EFCAB6: variants seen among roughly 807,000 people sequenced by gnomAD.
EFCAB6 encodes the protein EF-hand calcium-binding domain-containing protein 6.
EFCAB6 carries 156 observed loss-of-function variants against 169.8 expected under a neutral mutation model. The observed-to-expected ratio is 0.92, with a 90% CI of 0.81 to 1.05. The LOEUF (loss-of-function observed/expected upper bound fraction) is 1.05. Ranked by LOEUF, EFCAB6 falls within the 50% of genes least tolerant of loss-of-function variation. The pLI is 0.00. For synonymous variants in EFCAB6, 698 were observed against 676.4 expected (o/e 1.03, Z -0.50); for missense variants, 1,800 against 1,829.1 (o/e 0.98, Z 0.29).
chr22:43,777,540 G>A (rs1603360099), intron 3 of EFCAB6, among the ~76,000 whole-genome samples: 1 of 152,166 alleles, frequency 6.6e-6, no homozygotes, highest in East Asian at 1.9e-4. Flanking sequence ...AATCTCAGAA[G>A]CAGCTGATTC....
In EFCAB6 at chr22:43,746,267, T is replaced by A. The variant is rs369860820; in HGVS notation, c.507+9499A>T. 2.0e-5 allele frequency among the ~76,000 whole-genome samples: 3 copies of A among 152,272 alleles called. No homozygotes were observed. The South Asian group carries it at 6.2e-4, about 32-fold the overall frequency. On this transcript the variant is annotated intron_variant, in intron 6 of 31. Transcript: ENST00000262726. The stretch of plus-strand genomic sequence containing the variant: ...TTACTGACCATAGGCATACCCTGCC[T>A]TTACCAAAAATCGAAAAAGCTTACT...
Position 43,528,977 on chromosome 22 carries a change from T to C in EFCAB6, c.4384-2A>G. 6.4e-7 allele frequency: 1 copy of C among 1,574,348 alleles called. No homozygotes were observed. The highest frequency in any genetic ancestry group is 8.7e-7 in the Non-Finnish European group (1 of 1,149,266). ...GTTGATGCTGTACTGTCTCAGGACCTGGAAGACAGAGAAAAGGGGCCTCTG... is the reference window on the plus strand; with the variant it reads ...GTTGATGCTGTACTGTCTCAGGACCCGGAAGACAGAGAAAAGGGGCCTCTG... On this transcript the variant is annotated splice_acceptor_variant, in intron 31 of 31. Transcript: ENST00000262726. LOFTEE classifies it high-confidence loss of function.
chr22:43,771,983 C>T (rs908203904), intron 4 of EFCAB6, among the ~76,000 whole-genome samples: 5 of 152,112 alleles, frequency 3.3e-5, no homozygotes, highest in African/African-American at 1.2e-4. Flanking sequence ...CTATAATGAC[C>T]TTTCCTTCCC....
chr22:43,706,199 G>A (rs1603254354), intron 10 of EFCAB6, among the ~76,000 whole-genome samples: 2 of 152,274 alleles, frequency 1.3e-5, no homozygotes, highest in East Asian at 3.9e-4. Flanking sequence ...AGGAACACTG[G>A]CTTCTGCCAG....
intron 17 of EFCAB6, among the ~76,000 whole-genome samples, chr22:43,637,328 G>A (rs2055483531): frequency 6.6e-6 from 1 of 152,262 alleles, no homozygotes; most frequent in Non-Finnish European, 1.5e-5. Context: ...CACACCTTGT[G>A]GCGCAGTCAT....
intron 29 of EFCAB6, chr22:43,535,128 A>T: frequency 2.3e-6 from 1 of 430,084 alleles, no homozygotes; most frequent in Non-Finnish European, 4.1e-6. Context: ...ATGGACAGAG[A>T]CTATGGGAGC....
At chr22:43,782,041 G>T in intron 3 of EFCAB6, 139 bp downstream of exon 3, 1 of 854,280 alleles carries the variant, frequency 1.2e-6, no homozygotes, top group Non-Finnish European at 1.7e-6. Context: ...TAGAAAACAG[G>T]GATAAAAACA....
intron 17 of EFCAB6, among the ~76,000 whole-genome samples, chr22:43,636,325 C>T (rs1056522605): frequency 4.6e-5 from 7 of 152,204 alleles, no homozygotes; most frequent in Middle Eastern, 3.4e-3. Flanking sequence ...GCGGAAGAGG[C>T]GGCTGGGGAG....
rs746270563 is a variant in EFCAB6 at position 43,555,062 on chromosome 22, C to T, written c.3455G>A (p.Gly1152Asp). 1.2e-6 allele frequency: 2 copies of T among 1,614,184 alleles called. No homozygotes were observed. Among genetic ancestry groups the T allele is most frequent in the South Asian group, 2.2e-5 (2 of 91,082 alleles). Reference protein sequence around the residue: ...ADEWAEKMPKGPPPTSPKATA... With the variant: ...ADEWAEKMPKDPPPTSPKATA... ...GGCCTTGGGAGAGGTAGGCGGCGGG[C>T]CTTTGGGCATTTTCTCAGCCCACTC... The change falls in exon 27 of 32, where the codon GGC becomes GAC. Residue 1152 changes from glycine to aspartate, a missense_variant. Gly to Asp is a moderately conservative substitution (Grantham distance 94). Coordinates refer to ENST00000262726, the MANE Select transcript of EFCAB6 (RefSeq NM_022785.4).
rs748961247 is a variant in EFCAB6 at position 43,683,792 on chromosome 22, T to C, written c.1206A>G (p.Glu402=). Residue 402 remains glutamate (E), a synonymous_variant, in exon 12 of 32, where the codon GAA becomes GAG. Coordinates refer to ENST00000262726, the MANE Select transcript of EFCAB6 (RefSeq NM_022785.4). ...CTTTCTTCAGTGACGCAGAGTGATC[T>C]TCAGTGTGTCTAAATAACTTTGTGA... ...NIITKLFRHT[E]DHSASLKKAL... 3 of 1,613,836 alleles carry C rather than the reference T, an allele frequency of 1.9e-6. No individual in the cohort carries two copies. Among genetic ancestry groups the C allele is most frequent in the Admixed American group, 3.3e-5 (2 of 60,026 alleles).
intron 2 of EFCAB6, among the ~76,000 whole-genome samples, chr22:43,796,165 CACTCATCCCTCT>C (rs2062501843): frequency 6.6e-6 from 1 of 152,160 alleles, no homozygotes; most frequent in Admixed American, 6.5e-5. Flanking sequence ...CACAATTCCT[CACTCATCCCTCT>C]ACTGAGAACT....
chr22:43,791,871 A>C (rs1031846138), intron 2 of EFCAB6, among the ~76,000 whole-genome samples: 3 of 152,186 alleles, frequency 2.0e-5, no homozygotes, highest in Admixed American at 2.0e-4. Context: ...AGATGGGAGA[A>C]TCAGCAGCAT....
intron 25 of EFCAB6, among the ~76,000 whole-genome samples, 176 bp from the exon 26 acceptor site, chr22:43,576,664 A>G (rs1199539740): frequency 1.3e-5 from 2 of 152,194 alleles, no homozygotes; most frequent in East Asian, 3.8e-4. Flanking sequence ...GACAAGTATG[A>G]TATGAACGCA....
At chr22:43,603,278 G>A (rs1241990949) in intron 22 of EFCAB6, among the ~76,000 whole-genome samples, 2 of 152,232 alleles carry the variant, frequency 1.3e-5, no homozygotes, top group African/African-American at 2.4e-5. Flanking sequence ...TTGTGAATGT[G>A]ATTAATAAGA....
intron 25 of EFCAB6, among the ~76,000 whole-genome samples, chr22:43,577,897 AG>A (rs988400735): frequency 2.0e-5 from 3 of 151,754 alleles, no homozygotes; most frequent in African/African-American, 7.3e-5. Flanking sequence ...AAAAAAAAAA[AG>A]TTTAAAATAG....
At chr22:43,670,583 G>A (rs1240133326) in intron 15 of EFCAB6, among the ~76,000 whole-genome samples, 3 of 152,224 alleles carry the variant, frequency 2.0e-5, no homozygotes, top group Non-Finnish European at 4.4e-5. Context: ...ATAGCTGGGG[G>A]CTGAGCATGA....
intron 25 of EFCAB6, among the ~76,000 whole-genome samples, chr22:43,578,680 C>T (rs929372897): frequency 1.3e-5 from 2 of 151,938 alleles, no homozygotes; most frequent in African/African-American, 4.8e-5. Context: ...TCATCATTCC[C>T]TACGTGCAGG....
intron 22 of EFCAB6, 123 bp from the exon 23 acceptor site, chr22:43,600,386 A>C: frequency 9.8e-7 from 1 of 1,016,016 alleles, no homozygotes; most frequent in South Asian, 1.6e-5. Context: ...CACCACTCGG[A>C]GCATGCCCTG....
chr22:43,690,308 G>C (rs2058358996), intron 10 of EFCAB6, among the ~76,000 whole-genome samples: 1 of 140,010 alleles, frequency 7.1e-6, no homozygotes, highest in Non-Finnish European at 1.5e-5. Flanking sequence ...GACCATCCTG[G>C]CTAATAGGGT....
Sources: allele counts gnomAD v4.1 joint callset (sites outside exome capture counted in the v4.1 genomes callset), GRCh38; gene constraint gnomAD v4.1.1; transcripts MANE v1.5; gene names NCBI Gene and HGNC (gene_info 2026-07-23, HGNC 2026-07-21).